HIVEP2: variants seen among roughly 807,000 people sequenced by gnomAD.
HIVEP2 encodes transcription factor HIVEP2.
Under a neutral mutation model 180.7 loss-of-function variants are expected in HIVEP2, and 14 were observed. The observed-to-expected ratio is 0.08, with a 90% CI of 0.05 to 0.12. The LOEUF is 0.12. Ranked by LOEUF, HIVEP2 falls within the 10% of genes least tolerant of loss-of-function variation. The pLI is 1.00. For synonymous variants in HIVEP2, 1,184 were observed against 1,136.4 expected, an observed-to-expected ratio of 1.04 and a Z score of -0.84; for missense variants, 2,579 against 3,008.5, an observed-to-expected ratio of 0.86 and a Z score of 3.34.
intron 1 of HIVEP2, among the ~76,000 whole-genome samples, chr6:142,897,181 A>G (rs1387441204): frequency 6.6e-6 from 1 of 152,240 alleles, no homozygotes; most frequent in Non-Finnish European, 1.5e-5. Flanking sequence ...AATAAAAATT[A>G]AAACTATAAG....
intron 1 of HIVEP2, among the ~76,000 whole-genome samples, chr6:142,924,592 C>G (rs544645300): frequency 2.4e-4 from 37 of 152,304 alleles, no homozygotes; most frequent in African/African-American, 8.9e-4. Context: ...CCTACTGACC[C>G]TAAACAGAAC....
At chr6:142,903,740 T>C (rs1777190864) in intron 1 of HIVEP2, among the ~76,000 whole-genome samples, 1 of 152,224 alleles carries the variant, frequency 6.6e-6, no homozygotes, top group Non-Finnish European at 1.5e-5. Context: ...TGGTGCTCTC[T>C]TGGACTCCTT....
intron 1 of HIVEP2, among the ~76,000 whole-genome samples, chr6:142,895,929 C>T (rs760956309): frequency 6.4e-4 from 97 of 152,034 alleles, no homozygotes; most frequent in Non-Finnish European, 7.9e-4. Flanking sequence ...CTCAATTAAC[C>T]TTCATTATTA....
At chr6:142,923,335 A>C (rs1033413089) in intron 1 of HIVEP2, among the ~76,000 whole-genome samples, 1 of 152,198 alleles carries the variant, frequency 6.6e-6, no homozygotes, top group African/African-American at 2.4e-5. Context: ...CGTCTCAAAA[A>C]AAAAAAAATC....
chr6:142,813,250 AATTAT>A, intron 2 of HIVEP2, among the ~76,000 whole-genome samples: 1 of 152,296 alleles, frequency 6.6e-6, no homozygotes, highest in South Asian at 2.1e-4. Context: ...CTATAGTCAG[AATTAT>A]ATTAATGCAA....
At chr6:142,889,271 G>C (rs1289519144) in intron 1 of HIVEP2, among the ~76,000 whole-genome samples, 1 of 152,068 alleles carries the variant, frequency 6.6e-6, no homozygotes, top group Non-Finnish European at 1.5e-5. Flanking sequence ...AGGAGATGGA[G>C]ACCAGCCTGG....
intron 2 of HIVEP2, among the ~76,000 whole-genome samples, chr6:142,807,837 A>G (rs1776590240): frequency 6.6e-6 from 1 of 152,184 alleles, no homozygotes; most frequent in African/African-American, 2.4e-5. Flanking sequence ...CTGGCCAGTG[A>G]CCCAAAACCT....
At chr6:142,866,335 C>T (rs1776136897) in intron 1 of HIVEP2, among the ~76,000 whole-genome samples, 1 of 152,212 alleles carries the variant, frequency 6.6e-6, no homozygotes, top group Non-Finnish European at 1.5e-5. Context: ...ACAGTAAGTG[C>T]TCAATAGATG....
At chr6:142,877,519 C>T (rs1269201510) in intron 1 of HIVEP2, among the ~76,000 whole-genome samples, 4 of 152,170 alleles carry the variant, frequency 2.6e-5, no homozygotes, top group Non-Finnish European at 2.9e-5. Context: ...AGGATTTACA[C>T]ATCTTGTTCC....
chr6:142,890,800 A>G (rs1451192554), intron 1 of HIVEP2, among the ~76,000 whole-genome samples: 1 of 152,244 alleles, frequency 6.6e-6, no homozygotes, highest in Admixed American at 6.5e-5. Flanking sequence ...ATATTACTAC[A>G]GAAAATAATG....
intron 1 of HIVEP2, among the ~76,000 whole-genome samples, chr6:142,897,325 G>A (rs549690541): frequency 2.6e-5 from 4 of 152,290 alleles, no homozygotes; most frequent in South Asian, 2.1e-4. Flanking sequence ...AAAGGCACGC[G>A]GTAATAACTA....
At chr6:142,932,145 C>T (rs1777954946) in intron 1 of HIVEP2, among the ~76,000 whole-genome samples, 1 of 152,172 alleles carries the variant, frequency 6.6e-6, no homozygotes, top group Non-Finnish European at 1.5e-5. Flanking sequence ...TTCTTTTCCT[C>T]AGTATGGTAG....
chr6:142,753,761 C>T lies in HIVEP2; in HGVS notation c.6687G>A (p.Val2229=). ...GAACCATCTGGATCCCACCAACGGG[C>T]ACCATGGGGATAGGGGCTCGCACTT... ...QQQVRAPIPM[V]PVGGIQMVHS... The change falls in exon 10 of 10, where the codon GTG becomes GTA. Residue 2229 remains valine, a synonymous_variant. Coordinates refer to ENST00000367603, the MANE Select transcript of HIVEP2 (RefSeq NM_006734.4). 2 of 1,614,172 alleles carry T rather than the reference C, an allele frequency of 1.2e-6. No individual in the cohort carries two copies. Among genetic ancestry groups the T allele is most frequent in the Non-Finnish European group, 1.7e-6 (2 of 1,180,038 alleles).
chr6:142,937,626 A>C (rs1027945477), intron 1 of HIVEP2, among the ~76,000 whole-genome samples: 1 of 152,202 alleles, frequency 6.6e-6, no homozygotes, highest in African/African-American at 2.4e-5. Flanking sequence ...GCTAAGTGAT[A>C]AATATGGTTG....
At chr6:142,821,772 C>T (rs1354590713) in intron 2 of HIVEP2, among the ~76,000 whole-genome samples, 1 of 152,174 alleles carries the variant, frequency 6.6e-6, no homozygotes, top group African/African-American at 2.4e-5. Context: ...ACCACCAAAA[C>T]TAGGTCAAGC....
chr6:142,901,231 C>T (rs80150762), intron 1 of HIVEP2, among the ~76,000 whole-genome samples: 1 of 152,140 alleles, frequency 6.6e-6, no homozygotes, highest in Admixed American at 6.5e-5. Context: ...GACCTTATCA[C>T]ATCTAGGGGA....
At position 142,752,223 on chromosome 6, in the gene HIVEP2, A is replaced by C. The variant is rs80298677; in HGVS notation, c.*884T>G. 1 of 152,654 alleles carries C rather than the reference A, an allele frequency of 6.6e-6. No homozygotes were observed. Among genetic ancestry groups the C allele is most frequent in the Non-Finnish European group, 1.5e-5 (1 of 68,036 alleles). 9.5% of individuals were successfully genotyped at this position (152,654 alleles called of 1,614,324 possible). ...TTTACATGGGGTGGAATGTTTTCCC[A>C]TATTTTTAGATGAGTATATAGATCA... is the stretch of plus-strand genomic sequence containing the variant. On this transcript the variant is annotated 3_prime_UTR_variant, in exon 10 of 10. Coordinates refer to ENST00000367603, the MANE Select transcript of HIVEP2 (RefSeq NM_006734.4).
At chr6:142,806,461 A>T (rs921032279) in intron 2 of HIVEP2, among the ~76,000 whole-genome samples, 15 of 152,196 alleles carry the variant, frequency 9.9e-5, no homozygotes, top group African/African-American at 3.6e-4. Context: ...CAAAGGGGAG[A>T]ACTATTAATA....
chr6:142,758,321 T>G (rs1775133020), intron 9 of HIVEP2, among the ~76,000 whole-genome samples: 1 of 152,094 alleles, frequency 6.6e-6, no homozygotes, highest in Non-Finnish European at 1.5e-5. Context: ...GAAAAGATGG[T>G]GCTGGGGATG....
Sources: gnomAD v4.1 joint callset for allele counts (sites outside exome capture counted in the v4.1 genomes callset) on GRCh38, gnomAD v4.1.1 for gene constraint, MANE v1.5 for transcripts, NCBI Gene and HGNC (gene_info 2026-07-23, HGNC 2026-07-21) for gene names.